Variants in PCDH15 observed in about 807,000 individuals in gnomAD.
PCDH15 encodes protocadherin related 15, also known as protocadherin-15.
A neutral mutation model predicts 178.5 loss-of-function variants in PCDH15; 129 were observed. That is an observed-to-expected ratio of 0.72 (90% CI 0.63 to 0.84). The LOEUF (loss-of-function observed/expected upper bound fraction) is 0.84. Ranked by LOEUF, PCDH15 falls within the 40% of genes least tolerant of loss-of-function variation. The pLI, the probability that PCDH15 is intolerant of heterozygous loss-of-function variation, is 0.00. For missense variants in PCDH15, 2,230 were observed against 2,099.9 expected (o/e 1.06, Z -1.21); for synonymous variants, 800 against 732.0 (o/e 1.09, Z -1.50).
chr10:54,360,974 C>T (rs1440282030), intron 5 of PCDH15, among the ~76,000 whole-genome samples: 1 of 152,086 alleles, frequency 6.6e-6, no homozygotes, highest in South Asian at 2.1e-4. Context: ...GGTTATACCA[C>T]TATGTTAACC....
At position 54,430,049 on chromosome 10, in the gene PCDH15, C is replaced by CT. The variant is rs34182878; in HGVS notation, c.158-51108dup. ...CAAAATACACTTTTTCCTTCTTCTC[C>CT]TTTTTTTTTTTTTTTTTTTTTTTAA... On this transcript the variant is annotated intron_variant, in intron 3 of 37. Coordinates refer to ENST00000644397, the MANE Select transcript of PCDH15 (RefSeq NM_001384140.1). Among the ~76,000 whole-genome samples, 1,063 of 119,496 alleles carry CT rather than the reference C, an allele frequency of 8.9e-3. 22 individuals are homozygous for CT. The highest frequency in any genetic ancestry group is 0.088 in the East Asian group (385 of 4,366). The allele number at this position is 119,496 out of a possible 152,430, so 78.4% of individuals were successfully genotyped here. A position where few individuals can be genotyped will look rare whatever the true frequency, so the allele number is the denominator to read the frequency against.
At chr10:54,473,014 A>G (rs2078024883) in intron 3 of PCDH15, among the ~76,000 whole-genome samples, 1 of 152,160 alleles carries the variant, frequency 6.6e-6, no homozygotes, top group Non-Finnish European at 1.5e-5. Flanking sequence ...CTTCTACATA[A>G]TTGTGTACTT....
intron 2 of PCDH15, among the ~76,000 whole-genome samples, chr10:54,955,869 A>T (rs903375954): frequency 4.0e-5 from 6 of 151,408 alleles, no homozygotes; most frequent in Admixed American, 2.6e-4. Context: ...TAAATAGACA[A>T]ATTTACTCTG....
chr10:54,070,422 T>C (rs1420928476), intron 17 of PCDH15, among the ~76,000 whole-genome samples: 1 of 152,208 alleles, frequency 6.6e-6, no homozygotes, highest in East Asian at 1.9e-4. Flanking sequence ...CAGGCTGATC[T>C]TGAACTCCTG....
intron 2 of PCDH15, among the ~76,000 whole-genome samples, chr10:55,369,010 CAAAA>C (rs60906060): frequency 3.0e-4 from 26 of 86,186 alleles, no homozygotes; most frequent in African/African-American, 9.7e-4. Context: ...TTTTTGGGAC[CAAAA>C]AAAAAAAAAA....
At chr10:55,542,370 A>G (rs1361667501) in intron 2 of PCDH15, among the ~76,000 whole-genome samples, 1 of 150,836 alleles carries the variant, frequency 6.6e-6, no homozygotes, top group Non-Finnish European at 1.5e-5. Context: ...ATAAATATAA[A>G]TGTGTCTATA....
intron 1 of PCDH15, among the ~76,000 whole-genome samples, chr10:54,695,795 G>A (rs72794522): frequency 0.069 from 10,474 of 151,844 alleles, 489 homozygotes; most frequent in Admixed American, 0.098. Context: ...CTGGATAACA[G>A]CCCATATATT....
chr10:54,118,413 C>T (rs1217701328), intron 15 of PCDH15, among the ~76,000 whole-genome samples: 1 of 152,136 alleles, frequency 6.6e-6, no homozygotes, highest in Non-Finnish European at 1.5e-5. Flanking sequence ...GTAATCCCAG[C>T]ACTTTGAGAG....
chr10:55,016,319 C>T (rs1427282179), intron 2 of PCDH15, among the ~76,000 whole-genome samples: 1 of 152,066 alleles, frequency 6.6e-6, no homozygotes, highest in Non-Finnish European at 1.5e-5. Flanking sequence ...ACTGTAATCA[C>T]TCTTTTGTGC....
rs187142960 is a variant in PCDH15, at chr10:53,851,643, C to T, written c.3806+5532G>A. Reference sequence around the variant, plus strand: ...GTTAGCGTTTCATAGGTATGCTTCCCGAGAGACCTTCTAATTATCCTCCTA... The same window carrying T: ...GTTAGCGTTTCATAGGTATGCTTCCTGAGAGACCTTCTAATTATCCTCCTA... On this transcript the variant is annotated intron_variant, in intron 28 of 37. Coordinates refer to ENST00000644397, the MANE Select transcript of PCDH15 (RefSeq NM_001384140.1). Among the ~76,000 whole-genome samples the T allele has an allele frequency of 1.1e-3, 140 of 132,118 alleles. 1 individual carries two copies. The highest frequency in any genetic ancestry group is 3.5e-3 in the African/African-American group (130 of 37,120). The allele number at this position is 132,118 out of a possible 152,430, so 86.7% of individuals were successfully genotyped here.
intron 2 of PCDH15, chr10:55,468,946 C>T (rs1483308559): frequency 6.6e-6 from 1 of 151,924 alleles, no homozygotes; most frequent in Non-Finnish European, 1.5e-5. Context: ...TTTAAGTTAT[C>T]AAAATTAGCT....
At chr10:54,596,792 T>A (rs1257385025) in intron 2 of PCDH15, among the ~76,000 whole-genome samples, 1 of 152,038 alleles carries the variant, frequency 6.6e-6, no homozygotes, top group Non-Finnish European at 1.5e-5. Context: ...AAAGCAATTA[T>A]TGCAATCCTA....
intron 1 of PCDH15, among the ~76,000 whole-genome samples, chr10:55,262,527 AAC>A (rs1842172276): frequency 6.6e-6 from 1 of 151,266 alleles, no homozygotes; most frequent in Admixed American, 6.6e-5. Context: ...TATTGAGAAG[AAC>A]ACATCGGTGG....
chr10:55,277,273 G>T (rs2132253550), intron 1 of PCDH15, among the ~76,000 whole-genome samples: 1 of 152,030 alleles, frequency 6.6e-6, no homozygotes, highest in South Asian at 2.1e-4. Flanking sequence ...TTGCAACCCA[G>T]CCAGTCTTTT....
At chr10:54,122,543 G>A (rs1237332061) in intron 15 of PCDH15, among the ~76,000 whole-genome samples, 1 of 150,360 alleles carries the variant, frequency 6.7e-6, no homozygotes, top group Non-Finnish European at 1.5e-5. Context: ...TCATATATTT[G>A]CTGGAGGCAA....
chr10:55,406,054 A>G (rs537095766), intron 2 of PCDH15, among the ~76,000 whole-genome samples: 5 of 132,902 alleles, frequency 3.8e-5, no homozygotes, highest in Non-Finnish European at 8.1e-5. Flanking sequence ...TCTAGTTGGC[A>G]GCATGTTCCC....
chr10:53,807,157 G>C, intron 37 of PCDH15, 27 bp from the exon 38 acceptor site: 1 of 1,522,826 alleles, frequency 6.6e-7, no homozygotes, highest in Non-Finnish European at 8.8e-7. Context: ...AAATATGTGA[G>C]TCACTATCAA....
intron 26 of PCDH15, among the ~76,000 whole-genome samples, chr10:53,888,339 T>TATATATGTAAGTAC (rs1564691439): frequency 1.8e-5 from 2 of 109,562 alleles, no homozygotes; most frequent in African/African-American, 3.6e-5. Flanking sequence ...TATGTACGTA[T>TATATATGTAAGTAC]ATATATATAC....
chr10:54,200,269 C>CTTTTTT lies in PCDH15; in HGVS notation c.1099-4386_1099-4381dup, dbSNP rs11377394. ...ATTTATTGTGCATCTACAGAGCCCACTTTTTTTTTTTTTTTTTTTTTGTAT... is the reference window on the plus strand; with the variant it reads ...ATTTATTGTGCATCTACAGAGCCCACTTTTTTTTTTTTTTTTTTTTTTTTTTTGTAT... On this transcript the variant is annotated intron_variant, in intron 10 of 37. Transcript: ENST00000644397. 4.5e-4 allele frequency among the ~76,000 whole-genome samples: 48 copies of CTTTTTT among 106,066 alleles called. 1 individual carries two copies. Among genetic ancestry groups the CTTTTTT allele is most frequent in the South Asian group, 1.0e-3 (3 of 2,998 alleles). 69.6% of individuals were successfully genotyped at this position (106,066 alleles called of 152,430 possible).
Sources: gnomAD v4.1 joint callset for allele counts (sites outside exome capture counted in the v4.1 genomes callset) on GRCh38, gnomAD v4.1.1 for gene constraint, MANE v1.5 for transcripts, NCBI Gene and HGNC (gene_info 2026-07-23, HGNC 2026-07-21) for gene names.